RBFOX1: variants seen among roughly 807,000 people sequenced by gnomAD.
RBFOX1 encodes the protein RNA binding protein fox-1 homolog 1.
In RBFOX1, 8 loss-of-function variants were observed where a neutral mutation model predicts 57.7. The observed-to-expected ratio is 0.14, with a 90% CI of 0.08 to 0.25. The LOEUF (loss-of-function observed/expected upper bound fraction) is 0.25, where lower values mean the gene tolerates loss of function less well. Ranked by LOEUF, RBFOX1 falls within the 10% of genes least tolerant of loss-of-function variation. The pLI, the probability that RBFOX1 is intolerant of heterozygous loss-of-function variation, is 1.00. For missense variants in RBFOX1, 611 were observed against 548.5 expected (o/e 1.11, Z -1.14); for synonymous variants, 326 against 222.4 (o/e 1.47, Z -4.15).
rs564341148 is a variant in RBFOX1 at position 7,320,989 on chromosome 16, T to G, written c.28-197158T>G. Among the ~76,000 whole-genome samples, 150 of 152,308 alleles carry G rather than the reference T, an allele frequency of 9.8e-4. 1 individual carries two copies. Among genetic ancestry groups the G allele is most frequent in the African/African-American group, 3.3e-3 (139 of 41,572 alleles). Reference sequence around the variant, plus strand: ...TCAATAGCTGAGTTCCTGATCAATATGATACATTGCTATTACGATAAAAAT... The same window carrying G: ...TCAATAGCTGAGTTCCTGATCAATAGGATACATTGCTATTACGATAAAAAT... On this transcript the variant is annotated intron_variant, in intron 4 of 15. Transcript: ENST00000550418.
chr16:7,193,759 C>T (rs1225368646), intron 4 of RBFOX1, among the ~76,000 whole-genome samples: 4 of 152,122 alleles, frequency 2.6e-5, no homozygotes, highest in Admixed American at 1.3e-4. Context: ...TGGTAGACAG[C>T]TCAGAATATT....
intron 3 of RBFOX1, among the ~76,000 whole-genome samples, chr16:6,684,759 A>G (rs2059175928): frequency 6.6e-6 from 1 of 152,268 alleles, no homozygotes; most frequent in Admixed American, 6.5e-5. Context: ...TTAACTGGTC[A>G]GCAAAGTAAT....
At chr16:6,503,777 C>G (rs905734176) in intron 2 of RBFOX1, among the ~76,000 whole-genome samples, 1 of 152,068 alleles carries the variant, frequency 6.6e-6, no homozygotes, top group South Asian at 2.1e-4. Context: ...TGATGTCTCG[C>G]GATGGAGGAA....
At chr16:6,905,915 G>C (rs146300307) in intron 3 of RBFOX1, among the ~76,000 whole-genome samples, 25 of 152,308 alleles carry the variant, frequency 1.6e-4, no homozygotes, top group African/African-American at 4.8e-4. Context: ...TCTCTGTAGT[G>C]ACATTGACTT....
At chr16:6,089,080 T>A (rs201864585) in intron 1 of RBFOX1, among the ~76,000 whole-genome samples, 3,769 of 142,126 alleles carry the variant, frequency 0.027, 129 homozygotes, top group African/African-American at 0.09. Flanking sequence ...AAAAAAAAAA[T>A]ATATATATAT....
At chr16:5,487,904 A>C (rs1203205573) in intron 2 of RBFOX1, among the ~76,000 whole-genome samples, 1 of 152,042 alleles carries the variant, frequency 6.6e-6, no homozygotes, top group African/African-American at 2.4e-5. Context: ...GAAGCTGTTG[A>C]TAATGGAGAT....
chr16:7,386,323 G>A (rs980695558), intron 4 of RBFOX1, among the ~76,000 whole-genome samples: 2 of 152,022 alleles, frequency 1.3e-5, no homozygotes, highest in East Asian at 3.9e-4. Flanking sequence ...CATGGTGGTT[G>A]CTGCACCCAT....
intron 3 of RBFOX1, among the ~76,000 whole-genome samples, chr16:5,702,237 A>T (rs1242842717): frequency 6.6e-6 from 1 of 152,212 alleles, no homozygotes; most frequent in Non-Finnish European, 1.5e-5. Flanking sequence ...ACTTACAATT[A>T]TAGCAGAAGG....
chr16:5,952,522 G>C (rs1027551490), intron 4 of RBFOX1, among the ~76,000 whole-genome samples: 1 of 152,046 alleles, frequency 6.6e-6, no homozygotes, highest in Non-Finnish European at 1.5e-5. Flanking sequence ...ACTGACCTCA[G>C]GTGATCTGCC....
intron 3 of RBFOX1, among the ~76,000 whole-genome samples, chr16:6,714,061 T>C (rs1303071181): frequency 2.0e-5 from 3 of 152,184 alleles, no homozygotes; most frequent in African/African-American, 7.2e-5. Context: ...GTGGGGGTGG[T>C]TTCCCCCATG....
At chr16:6,366,085 A>ACG (rs1307236635) in intron 2 of RBFOX1, among the ~76,000 whole-genome samples, 2,293 of 144,386 alleles carry the variant, frequency 0.016, 58 homozygotes, top group African/African-American at 0.046. Context: ...TGGCCATTCT[A>ACG]TGTGTGTGTG....
intron 6 of RBFOX1, among the ~76,000 whole-genome samples, chr16:7,581,708 A>G (rs1430187307): frequency 6.6e-6 from 1 of 152,008 alleles, no homozygotes; most frequent in Non-Finnish European, 1.5e-5. Flanking sequence ...ATCCAAATCT[A>G]CTAGTTTCAG....
intron 2 of RBFOX1, among the ~76,000 whole-genome samples, chr16:6,530,083 C>G (rs747155886): frequency 6.6e-6 from 1 of 152,180 alleles, no homozygotes; most frequent in Non-Finnish European, 1.5e-5. Flanking sequence ...CTTCCCTTGT[C>G]AGTCAGACTT....
intron 2 of RBFOX1, among the ~76,000 whole-genome samples, chr16:6,548,269 G>A (rs1438828015): frequency 1.3e-5 from 2 of 152,166 alleles, no homozygotes; most frequent in African/African-American, 4.8e-5. Flanking sequence ...TGTCAAAAAA[G>A]CTATAGTGTC....
chr16:7,379,122 A>T (rs542026610), intron 4 of RBFOX1, among the ~76,000 whole-genome samples: 5 of 152,302 alleles, frequency 3.3e-5, no homozygotes, highest in African/African-American at 9.6e-5. Context: ...ATGGTAGCCA[A>T]TGTCATCACT....
chr16:6,180,591 A>T, intron 1 of RBFOX1, among the ~76,000 whole-genome samples: 1 of 145,370 alleles, frequency 6.9e-6, no homozygotes. Context: ...TTTGAGATGG[A>T]GTTTCGCTTT....
At chr16:6,677,296 C>A (rs900298860) in intron 3 of RBFOX1, among the ~76,000 whole-genome samples, 1 of 152,158 alleles carries the variant, frequency 6.6e-6, no homozygotes, top group South Asian at 2.1e-4. Context: ...GTGGTCAACA[C>A]ATCTGTCATT....
At chr16:6,382,456 A>G (rs1002312041) in intron 2 of RBFOX1, among the ~76,000 whole-genome samples, 6 of 152,342 alleles carry the variant, frequency 3.9e-5, no homozygotes, top group African/African-American at 1.4e-4. Flanking sequence ...GTAGGTCTTC[A>G]TCCTGCTCCT....
At chr16:6,383,257 C>G (rs936427282) in intron 2 of RBFOX1, among the ~76,000 whole-genome samples, 3 of 152,342 alleles carry the variant, frequency 2.0e-5, no homozygotes, top group African/African-American at 7.2e-5. Context: ...GACATTATTG[C>G]TGTTGTTAAA....
Sources: gnomAD v4.1 joint callset for allele counts (sites outside exome capture counted in the v4.1 genomes callset) on GRCh38, gnomAD v4.1.1 for gene constraint, MANE v1.5 for transcripts, NCBI Gene and HGNC (gene_info 2026-07-23, HGNC 2026-07-21) for gene names.